COL4A5: variants seen among roughly 807,000 people sequenced by gnomAD.
COL4A5 encodes the protein collagen alpha-5(IV) chain.
A neutral mutation model predicts 130.2 loss-of-function variants in COL4A5; 26 were observed. The observed-to-expected ratio is 0.20, with a 90% CI of 0.15 to 0.28. The LOEUF (loss-of-function observed/expected upper bound fraction) is 0.28. Ranked by LOEUF, COL4A5 falls within the 10% of genes least tolerant of loss-of-function variation. The pLI, the probability that COL4A5 is intolerant of heterozygous loss-of-function variation, is 1.00. For missense variants in COL4A5, 1,131 were observed against 1,344.3 expected (o/e 0.84, Z 2.48); for synonymous variants, 496 against 439.6 (o/e 1.13, Z -1.60).
intron 38 of COL4A5, among the ~76,000 whole-genome samples, chrX:108,666,171 TAGTA>T (rs752628151): frequency 8.0e-5 from 9 of 111,827 alleles, no homozygotes; most frequent in East Asian, 5.6e-4. Context: ...TGGCAGGCTG[TAGTA>T]AGTAAGTTTG....
chrX:108,691,969 G>A (rs1195133090), intron 49 of COL4A5, among the ~76,000 whole-genome samples: 1 of 111,578 alleles, frequency 9.0e-6, no homozygotes, highest in Non-Finnish European at 1.9e-5. Flanking sequence ...GGTGGGTGTG[G>A]AGCTGAGAGA....
chrX:108,622,980 A>T (rs1195010135), intron 33 of COL4A5, among the ~76,000 whole-genome samples, 155 bp downstream of exon 33: 1 of 112,771 alleles, frequency 8.9e-6, no homozygotes, highest in Non-Finnish European at 1.9e-5. Flanking sequence ...CACTTCATTC[A>T]TACTGTTTCA....
At chrX:108,441,912 C>CAAAAG (rs2064405231) in intron 1 of COL4A5, among the ~76,000 whole-genome samples, 9 of 111,845 alleles carry the variant, frequency 8.0e-5, no homozygotes, top group Non-Finnish European at 1.5e-4. Flanking sequence ...AATGAGGTTT[C>CAAAAG]TTTTTATTGA....
At chrX:108,447,137 T>C (rs1022134449) in intron 1 of COL4A5, among the ~76,000 whole-genome samples, 13 of 110,984 alleles carry the variant, frequency 1.2e-4, no homozygotes, top group African/African-American at 3.9e-4. Flanking sequence ...CCCACCCCTC[T>C]CACCAGCCCC....
Position 108,492,204 on chromosome X carries a change from A to T in COL4A5, c.82-47542A>T, listed in dbSNP as rs752304840. On this transcript the variant is annotated intron_variant, in intron 1 of 52. Transcript: ENST00000328300. ...TGCAGAATAGTAAACTTCCTGGCTG[A>T]GTGTTGAAGGTGTGCACATCTGCAA... Among the ~76,000 whole-genome samples, 7 of 111,566 alleles carry T rather than the reference A, an allele frequency of 6.3e-5. No individual in the cohort carries two copies. The East Asian group carries it at 2.0e-3, about 31-fold the overall frequency.
chrX:108,654,530 T>G, intron 36 of COL4A5, among the ~76,000 whole-genome samples: 1 of 112,774 alleles, frequency 8.9e-6, no homozygotes, highest in Middle Eastern at 4.6e-3. Context: ...AATATAGCCT[T>G]GACCTCATAG....
intron 1 of COL4A5, among the ~76,000 whole-genome samples, chrX:108,491,923 G>A (rs372563758): frequency 1.8e-5 from 2 of 111,792 alleles, no homozygotes; most frequent in East Asian, 2.8e-4. Context: ...ACAGGCAAAT[G>A]TATTAGCTGC....
At chrX:108,504,520 A>G (rs1435455866) in intron 1 of COL4A5, among the ~76,000 whole-genome samples, 1 of 112,285 alleles carries the variant, frequency 8.9e-6, no homozygotes, top group Non-Finnish European at 1.9e-5. Context: ...TCTACAAGGA[A>G]CTGAAACAAA....
intron 29 of COL4A5, 69 bp from the exon 30 acceptor site, chrX:108,614,842 G>C (rs1471362452): frequency 2.4e-5 from 18 of 741,343 alleles, no homozygotes; most frequent in Non-Finnish European, 3.8e-5. Flanking sequence ...TGCTTAATAT[G>C]ATATGGTTCC....
At chrX:108,454,534 C>T (rs927123816) in intron 1 of COL4A5, among the ~76,000 whole-genome samples, 1 of 111,495 alleles carries the variant, frequency 9.0e-6, no homozygotes, top group African/African-American at 3.3e-5. Context: ...TCCTCGGCCT[C>T]CCAAAGTGCT....
At chrX:108,565,021 C>T (rs2065947562) in intron 4 of COL4A5, among the ~76,000 whole-genome samples, 1 of 111,106 alleles carries the variant, frequency 9.0e-6, no homozygotes, top group Non-Finnish European at 1.9e-5. Flanking sequence ...ACTATTAAAG[C>T]TCTTTATAAT....
intron 1 of COL4A5, among the ~76,000 whole-genome samples, chrX:108,450,841 T>G (rs756835954): frequency 9.1e-6 from 1 of 110,296 alleles, no homozygotes; most frequent in Non-Finnish European, 1.9e-5. Context: ...TTATTTTTAT[T>G]TTTTATTTTT....
chrX:108,628,934 T>A (rs1350200732), intron 36 of COL4A5, among the ~76,000 whole-genome samples: 3 of 111,575 alleles, frequency 2.7e-5, no homozygotes. Context: ...AATAAATAAG[T>A]CTGTATTATG....
chrX:108,440,274 G>C lies in COL4A5; in HGVS notation c.81+68G>C, dbSNP rs1038030435. On this transcript the variant is annotated intron_variant, in intron 1 of 52. Transcript: ENST00000328300. ...CACGCTGAAATTACCTTTTTTTTGG[G>C]GGGGGGGTCCCTTTATCTTCCTTTT... is the stretch of plus-strand genomic sequence containing the variant. The C allele has an allele frequency of 2.3e-5, 17 of 739,823 alleles. 1 individual carries two copies. Among genetic ancestry groups the C allele is most frequent in the Admixed American group, 7.4e-5 (3 of 40,792 alleles). 61.0% of individuals were successfully genotyped at this position (739,823 alleles called of 1,213,427 possible).
rs1363580777 is a variant in COL4A5, at chrX:108,624,266, A to G, written c.2948A>G (p.Tyr983Cys). The stretch of plus-strand genomic sequence containing the variant: ...CCTGGAGTTTCAGGGCCAAAAGGTT[A>G]TCAGGGTTTGCCTGGAGACCCAGGG... ...GIPGVSGPKGYQGLPGDPGQP... is the reference protein window; with the variant it reads ...GIPGVSGPKGCQGLPGDPGQP... The change falls in exon 34 of 53, where the codon TAT becomes TGT. Residue 983 changes from tyrosine to cysteine, a missense_variant. By Grantham distance (194) the Tyr-to-Cys change is radical. Transcript: ENST00000328300. 3.3e-6 allele frequency: 4 copies of G among 1,209,855 alleles called. No individual in the cohort carries two copies. The highest frequency in any genetic ancestry group is 4.5e-6 in the Non-Finnish European group (4 of 894,843).
Position 108,453,939 on chromosome X carries a change from A to T in COL4A5, c.81+13733A>T, listed in dbSNP as rs951698340. Among the ~76,000 whole-genome samples the T allele has an allele frequency of 3.6e-5, 4 of 112,263 alleles. No homozygotes were observed. In the East Asian group the frequency reaches 1.1e-3, roughly 31 times the overall value. The stretch of plus-strand genomic sequence containing the variant: ...TTTCAATCCAATTGCCAAGTCAGAA[A>T]CATTCTTGCTACACAAACCACAGCA... On this transcript the variant is annotated intron_variant, in intron 1 of 52. Coordinates refer to ENST00000328300, the MANE Select transcript of COL4A5 (RefSeq NM_033380.3).
At chrX:108,586,868 A>G (rs2066345388) in intron 19 of COL4A5, 121 bp downstream of exon 19, 1 of 758,435 alleles carries the variant, frequency 1.3e-6, no homozygotes, top group Non-Finnish European at 2.0e-6. Context: ...TTTTTAATTG[A>G]CAGATACTTC....
chrX:108,580,426 A>G, intron 13 of COL4A5, 107 bp from the exon 14 acceptor site: 1 of 654,071 alleles, frequency 1.5e-6, no homozygotes, highest in Non-Finnish European at 2.6e-6. Flanking sequence ...ACATAGATGT[A>G]GCTGTGGTTC....
chrX:108,675,542 A>G (rs1360824586), intron 43 of COL4A5, among the ~76,000 whole-genome samples: 1 of 111,722 alleles, frequency 9.0e-6, no homozygotes, highest in Non-Finnish European at 1.9e-5. Context: ...ATTCAAATGT[A>G]CAATGTACTA....
Sources: gnomAD v4.1 joint callset for allele counts (sites outside exome capture counted in the v4.1 genomes callset) on GRCh38, gnomAD v4.1.1 for gene constraint, MANE v1.5 for transcripts, NCBI Gene and HGNC (gene_info 2026-07-23, HGNC 2026-07-21) for gene names.